Variants in BACE1 observed in about 807,000 individuals in gnomAD.
The protein encoded by BACE1 is APP beta-secretase.
In BACE1, 21 loss-of-function variants were observed where a neutral mutation model predicts 54.0. The observed-to-expected ratio is 0.39, with a 90% confidence interval of 0.28 to 0.56. The LOEUF (loss-of-function observed/expected upper bound fraction) is 0.56, where lower values mean the gene tolerates loss of function less well. Ranked by LOEUF, BACE1 falls within the 20% of genes least tolerant of loss-of-function variation. BACE1 has a pLI of 0.63. For synonymous variants in BACE1, 232 were observed against 260.9 expected, an observed-to-expected ratio of 0.89 and a Z score of 1.07; for missense variants, 511 against 661.2, an observed-to-expected ratio of 0.77 and a Z score of 2.49.
intron 1 of BACE1, among the ~76,000 whole-genome samples, chr11:117,302,844 C>T (rs476469): frequency 0.45 from 68,005 of 152,082 alleles, 15,535 homozygotes; most frequent in East Asian, 0.67. Context: ...GAGATCGTGC[C>T]ATTGCACTCC....
Position 117,311,883 on chromosome 11 carries a change from C to A in BACE1, c.261+3652G>T, listed in dbSNP as rs974347117. Among the ~76,000 whole-genome samples the A allele has an allele frequency of 5.3e-5, 8 of 152,172 alleles. No homozygotes were observed. In the East Asian group the frequency reaches 5.8e-4, roughly 11 times the overall value. On this transcript the variant is annotated intron_variant, in intron 1 of 8. Transcript: ENST00000313005. ...CTCGAACTCCTGACCTTGTGATCCA[C>A]CTGCCTTGGCCTCCCAAAGTGCTGG...
intron 1 of BACE1, among the ~76,000 whole-genome samples, chr11:117,301,821 C>T (rs904632746): frequency 6.6e-6 from 1 of 152,216 alleles, no homozygotes. Flanking sequence ...AAGCTCCTTA[C>T]AAGTCTCTTG....
Position 117,289,719 on chromosome 11 carries a change from A to G in BACE1, c.1353T>C (p.Asp451=). 1 of 1,614,226 alleles carries G rather than the reference A, an allele frequency of 6.2e-7. No homozygotes were observed. Among genetic ancestry groups the G allele is most frequent in the African/African-American group, 1.3e-5 (1 of 75,052 alleles). Residue 451 remains aspartate, a synonymous_variant, in exon 9 of 9, where the codon GAT becomes GAC. Transcript: ENST00000313005. ...AGGCTATGGTCATGAGGGTTGACTCATCTGTCTGTGGAATGTTGTAGCCAC... is the reference window on the plus strand; with the variant it reads ...AGGCTATGGTCATGAGGGTTGACTCGTCTGTCTGTGGAATGTTGTAGCCAC... ...EDCGYNIPQT[D]ESTLMTIAYV... is the part of the protein sequence containing the mutation.
chr11:117,293,900 C>T lies in BACE1; in HGVS notation c.676G>A (p.Glu226Lys), dbSNP rs765084249. Residue 226 changes from glutamate (E) to lysine (K), a missense_variant, in exon 4 of 9, where the codon GAA becomes AAA. Glu to Lys is a moderately conservative substitution (Grantham distance 56). Around this residue, in one of 2 missense-constraint regions of BACE1, gnomAD observed 407 missense variants for 565.7 expected, o/e 0.72. Transcript: ENST00000313005. This position sits in a 1 kb window ranked among gnomAD's most constrained non-coding sequence, Gnocchi z 4.1. ...CTCCCTCCGACAGAGGCCAGCACTT[C>T]AGACTGGTTGAGGGGGAAGCCAGCA... Reference protein sequence around the residue: ...CGAGFPLNQSEVLASVGGSMI... With the variant: ...CGAGFPLNQSKVLASVGGSMI... 7 of 1,613,734 alleles carry T rather than the reference C, an allele frequency of 4.3e-6. No homozygotes were observed. Among genetic ancestry groups the T allele is most frequent in the Admixed American group, 3.3e-5 (2 of 59,978 alleles).
chr11:117,294,070 C>A, intron 3 of BACE1, 62 bp from the exon 4 acceptor site: 1 of 1,551,430 alleles, frequency 6.4e-7, no homozygotes, highest in Non-Finnish European at 8.7e-7. Context: ...GGCCAGCTTC[C>A]TGTCTAAACT....
At chr11:117,309,332 C>T (rs1289463066) in intron 1 of BACE1, among the ~76,000 whole-genome samples, 1 of 152,198 alleles carries the variant, frequency 6.6e-6, no homozygotes, top group Non-Finnish European at 1.5e-5. Flanking sequence ...AGAATAAAAC[C>T]CAAAGTCCTG....
At chr11:117,300,396 TC>T (rs1339235927) in intron 1 of BACE1, among the ~76,000 whole-genome samples, 3 of 152,064 alleles carry the variant, frequency 2.0e-5, no homozygotes. Context: ...CTTCAGCGCT[TC>T]GAATGGGAGC....
intron 1 of BACE1, among the ~76,000 whole-genome samples, chr11:117,313,693 C>T (rs2035007371): frequency 6.6e-6 from 1 of 152,144 alleles, no homozygotes; most frequent in Non-Finnish European, 1.5e-5. Flanking sequence ...CCACCTTGGC[C>T]CCCCAAAGTG....
intron 5 of BACE1, 121 bp downstream of exon 5, chr11:117,292,933 C>T (rs1346122052): frequency 7.9e-7 from 1 of 1,261,940 alleles, no homozygotes; most frequent in Non-Finnish European, 1.1e-6. Context: ...GGCTCAACTT[C>T]CAACCCTTTC....
At chr11:117,291,121 C>A in intron 6 of BACE1, 72 bp from the exon 7 acceptor site, 1 of 1,542,652 alleles carries the variant, frequency 6.5e-7, no homozygotes. Context: ...TGTTCAGATA[C>A]ATTAACTGGG....
chr11:117,301,223 G>A (rs2034718114), intron 1 of BACE1, among the ~76,000 whole-genome samples: 1 of 152,174 alleles, frequency 6.6e-6, no homozygotes, highest in African/African-American at 2.4e-5. Context: ...CCTAGATCCT[G>A]GTGATGTCTA....
At chr11:117,312,561 C>T (rs180740269) in intron 1 of BACE1, among the ~76,000 whole-genome samples, 3,147 of 152,190 alleles carry the variant, frequency 0.021, 101 homozygotes, top group South Asian at 0.13. Context: ...CTCCTGGGTT[C>T]AAGCAATTCT....
chr11:117,300,740 C>T (rs2034707132), intron 1 of BACE1, among the ~76,000 whole-genome samples: 1 of 147,484 alleles, frequency 6.8e-6, no homozygotes, highest in Admixed American at 6.7e-5. Context: ...GTCCCTCCTC[C>T]CTTCCCAGGC....
rs1246940097 is a variant in BACE1, at chr11:117,291,580, G to A, written c.942+132C>T. 4.7e-6 allele frequency: 3 copies of A among 643,850 alleles called. No individual in the cohort carries two copies. In the African/African-American group the frequency reaches 5.5e-5, roughly 12 times the overall value. 39.9% of individuals were successfully genotyped at this position (643,850 alleles called of 1,614,324 possible). A position where few individuals can be genotyped will look rare whatever the true frequency, so the allele number is the denominator to read the frequency against. On this transcript the variant is annotated intron_variant, in intron 6 of 8. Coordinates refer to ENST00000313005, the MANE Select transcript of BACE1 (RefSeq NM_012104.6). ...CGTGAGCCACCACGCCTGGCTAGGGGAAGAGTGTTTTAAGAGCTCTGAGTA... is the reference window on the plus strand; with the variant it reads ...CGTGAGCCACCACGCCTGGCTAGGGAAAGAGTGTTTTAAGAGCTCTGAGTA...
intron 1 of BACE1, among the ~76,000 whole-genome samples, chr11:117,304,577 C>T (rs1250122401): frequency 6.6e-6 from 1 of 152,178 alleles, no homozygotes; most frequent in East Asian, 1.9e-4. Context: ...TGAAGTTTCC[C>T]GAAAGCACGA....
intron 1 of BACE1, among the ~76,000 whole-genome samples, chr11:117,301,488 G>A (rs12291489): frequency 6.6e-5 from 10 of 152,068 alleles, no homozygotes; most frequent in African/African-American, 2.4e-4. Context: ...GGGCACCAGT[G>A]GTCCCTGCTA....
chr11:117,307,782 T>C (rs1356401954), intron 1 of BACE1, among the ~76,000 whole-genome samples: 1 of 152,014 alleles, frequency 6.6e-6, no homozygotes, highest in Non-Finnish European at 1.5e-5. Context: ...AGGAGAGGTT[T>C]GGAATGACAG....
chr11:117,291,071 A>G, intron 6 of BACE1, 22 bp from the exon 7 acceptor site: 1 of 1,612,230 alleles, frequency 6.2e-7, no homozygotes, highest in Non-Finnish European at 8.5e-7. Context: ...AGAAGGGGAT[A>G]ACAATGAGGA....
At chr11:117,308,691 T>C (rs2034883974) in intron 1 of BACE1, among the ~76,000 whole-genome samples, 1 of 152,142 alleles carries the variant, frequency 6.6e-6, no homozygotes, top group African/African-American at 2.4e-5. Flanking sequence ...GGCTCATACC[T>C]GTAATCCTAA....
Sources: gnomAD v4.1 joint callset for allele counts (sites outside exome capture counted in the v4.1 genomes callset) on GRCh38, gnomAD v4.1.1 for gene constraint, gnomAD v4.1.1 regional missense constraint, Gnocchi (gnomAD v3.1) non-coding constraint, MANE v1.5 for transcripts, NCBI Gene and HGNC (gene_info 2026-07-23, HGNC 2026-07-21) for gene names.